Variants in PDS5B observed in about 807,000 individuals in gnomAD.
PDS5B encodes PDS5 cohesin associated factor B, also known as sister chromatid cohesion protein PDS5 homolog B.
A neutral mutation model predicts 184.1 loss-of-function variants in PDS5B; 51 were observed. The ratio of observed to expected loss-of-function variants is 0.28; its 90% CI spans 0.22 to 0.35. The LOEUF is 0.35. PDS5B is among the 10% of genes least tolerant of loss of function. PDS5B has a pLI of 1.00. For synonymous variants in PDS5B, 566 were observed against 569.2 expected (o/e 0.99, Z 0.08); for missense variants, 1,180 against 1,723.3 (o/e 0.68, Z 5.58).
intron 19 of PDS5B, among the ~76,000 whole-genome samples, chr13:32,724,211 G>T (rs529534310): frequency 1.3e-5 from 2 of 152,106 alleles, no homozygotes; most frequent in African/African-American, 4.8e-5. Context: ...TGAACTTCTG[G>T]GCTCAAGTGA....
At chr13:32,596,221 C>G (rs1166354214) in intron 1 of PDS5B, among the ~76,000 whole-genome samples, 9 of 152,144 alleles carry the variant, frequency 5.9e-5, no homozygotes, top group African/African-American at 2.2e-4. Flanking sequence ...TCTCTCCATT[C>G]AATTTCTTTT....
chr13:32,688,020 G>T (rs1951445536), intron 12 of PDS5B, among the ~76,000 whole-genome samples: 1 of 152,046 alleles, frequency 6.6e-6, no homozygotes, highest in Non-Finnish European at 1.5e-5. Flanking sequence ...ATTACATTAT[G>T]ATTTTGTAGG....
chr13:32,642,350 G>A (rs1950118294), intron 1 of PDS5B, among the ~76,000 whole-genome samples: 1 of 152,124 alleles, frequency 6.6e-6, no homozygotes, highest in Non-Finnish European at 1.5e-5. Context: ...TTTTCTTAAG[G>A]AGCTTACAGT....
intron 7 of PDS5B, among the ~76,000 whole-genome samples, chr13:32,671,242 G>A (rs547869513): frequency 6.6e-6 from 1 of 152,210 alleles, no homozygotes; most frequent in Admixed American, 6.5e-5. Context: ...TGCCTTTTTG[G>A]AGATTATAAA....
At chr13:32,601,188 G>A (rs743845) in intron 1 of PDS5B, among the ~76,000 whole-genome samples, 2 of 152,004 alleles carry the variant, frequency 1.3e-5, no homozygotes, top group Admixed American at 6.5e-5. Flanking sequence ...GCTTTCCTCT[G>A]TTTTCAAGTC....
At chr13:32,630,754 C>G (rs1285495756) in intron 1 of PDS5B, among the ~76,000 whole-genome samples, 1 of 151,760 alleles carries the variant, frequency 6.6e-6, no homozygotes, top group Non-Finnish European at 1.5e-5. Context: ...AGAGTCCTTT[C>G]CAGTCTTTGC....
chr13:32,694,024 ATTAT>A (rs1242834942), intron 13 of PDS5B, among the ~76,000 whole-genome samples, 195 bp from the exon 14 acceptor site: 2 of 151,618 alleles, frequency 1.3e-5, no homozygotes, highest in Non-Finnish European at 3.0e-5. Context: ...TCGACCACTG[ATTAT>A]TTCTTTTGAT....
chr13:32,676,076 T>C (rs1185597760), intron 9 of PDS5B, 117 bp downstream of exon 9: 15 of 591,392 alleles, frequency 2.5e-5, no homozygotes, highest in Non-Finnish European at 3.0e-6. Flanking sequence ...GAAGGATTTT[T>C]TATGTTGAAA....
Position 32,775,102 on chromosome 13 carries a change from T to TTTTTTTTTA in PDS5B, c.*58_*59insATTTTTTTT. The TTTTTTTTTA allele has an allele frequency of 6.6e-7, 1 of 1,512,342 alleles. No homozygotes were observed. The allele number at this position is 1,512,342 out of a possible 1,614,324, so 93.7% of individuals were successfully genotyped here. A position where few individuals can be genotyped will look rare whatever the true frequency, so the allele number is the denominator to read the frequency against. On this transcript the variant is annotated 3_prime_UTR_variant, in exon 35 of 35. Transcript: ENST00000315596. ...TGTGAAAGCTTTGGAAAAATCTTTT[T>TTTTTTTTTA]TTTTTTTTTTGGTCAAGCTTGAGGC...
chr13:32,698,793 G>A (rs1480904544), intron 15 of PDS5B, among the ~76,000 whole-genome samples: 3 of 149,318 alleles, frequency 2.0e-5, no homozygotes, highest in Admixed American at 6.7e-5. Flanking sequence ...TCACTCTGTC[G>A]CCTAGGCTGG....
At chr13:32,722,167 CAACACGGCGA>C (rs1952737850) in intron 19 of PDS5B, among the ~76,000 whole-genome samples, 3 of 152,218 alleles carry the variant, frequency 2.0e-5, no homozygotes. Context: ...CCAGCCCAGC[CAACACGGCGA>C]AACCCCGTCT....
At chr13:32,762,459 C>T (rs967777244) in intron 30 of PDS5B, among the ~76,000 whole-genome samples, 4 of 152,060 alleles carry the variant, frequency 2.6e-5, no homozygotes, top group African/African-American at 9.7e-5. Flanking sequence ...TTCTAGATTC[C>T]TGTATTAATG....
intron 13 of PDS5B, among the ~76,000 whole-genome samples, chr13:32,693,451 A>G (rs371962433): frequency 6.6e-6 from 1 of 151,814 alleles, no homozygotes; most frequent in Non-Finnish European, 1.5e-5. Flanking sequence ...TTCTTTGTCT[A>G]TTAAAAGAAA....
At chr13:32,711,229 A>T (rs1027389486) in intron 19 of PDS5B, among the ~76,000 whole-genome samples, 1 of 151,852 alleles carries the variant, frequency 6.6e-6, no homozygotes, top group Non-Finnish European at 1.5e-5. Flanking sequence ...AGGTGATATC[A>T]CCTGCCCGCC....
At chr13:32,636,993 G>A (rs1283758862) in intron 1 of PDS5B, among the ~76,000 whole-genome samples, 3 of 152,170 alleles carry the variant, frequency 2.0e-5, no homozygotes, top group Non-Finnish European at 4.4e-5. Context: ...GAGACAGAAG[G>A]ATCTTGGTTT....
intron 1 of PDS5B, among the ~76,000 whole-genome samples, chr13:32,641,842 G>A (rs541659170): frequency 6.6e-6 from 1 of 152,184 alleles, no homozygotes; most frequent in South Asian, 2.1e-4. Flanking sequence ...ATAATCTACA[G>A]TTGCCTTCTA....
At chr13:32,660,630 G>A (rs543670033) in intron 6 of PDS5B, among the ~76,000 whole-genome samples, 4 of 152,316 alleles carry the variant, frequency 2.6e-5, no homozygotes, top group Non-Finnish European at 4.4e-5. Context: ...TCTGCACTGA[G>A]CAGCTGACTA....
intron 1 of PDS5B, among the ~76,000 whole-genome samples, chr13:32,643,620 T>G (rs1950152921): frequency 6.6e-6 from 1 of 152,136 alleles, no homozygotes; most frequent in Admixed American, 6.5e-5. Flanking sequence ...CTGTATCTTT[T>G]CTATGTTTAG....
intron 14 of PDS5B, among the ~76,000 whole-genome samples, chr13:32,695,328 AAT>A (rs1951671225): frequency 6.6e-6 from 1 of 151,978 alleles, no homozygotes; most frequent in South Asian, 2.1e-4. Flanking sequence ...AACCTGTTAA[AAT>A]ATGTTTTCCT....
Sources: gnomAD v4.1 joint callset for allele counts (sites outside exome capture counted in the v4.1 genomes callset) on GRCh38, gnomAD v4.1.1 for gene constraint, MANE v1.5 for transcripts, NCBI Gene and HGNC (gene_info 2026-07-23, HGNC 2026-07-21) for gene names.